MYL1: variants seen among roughly 807,000 people sequenced by gnomAD.
MYL1 encodes myosin light chain 1.
MYL1 carries 16 observed loss-of-function variants against 21.8 expected under a neutral mutation model. That is an observed-to-expected ratio of 0.74 (90% CI 0.50 to 1.12). MYL1 has a LOEUF of 1.12. MYL1 is among the 50% of genes most tolerant of loss of function. MYL1 has a pLI of 0.00. For missense variants in MYL1, 246 were observed against 241.0 expected, an observed-to-expected ratio of 1.02 and a Z score of -0.14; for synonymous variants, 99 against 85.2, an observed-to-expected ratio of 1.16 and a Z score of -0.89.
Position 210,298,455 on chromosome 2 carries a change from TC to T in MYL1, c.268del (p.Glu90ArgfsTer14), listed in dbSNP as rs1334058857. 6.2e-7 allele frequency: 1 copy of T among 1,613,910 alleles called. No individual in the cohort carries two copies. The highest frequency in any genetic ancestry group is 1.3e-5 in the African/African-American group (1 of 74,892). ...RALGTNPTNA[E>X]VRKVLGNPSN... ...GGGGTTTCCCAGAACTTTCCTGACC[TC>T]TGCATTGGTGGGATTTGTGCCCAGA... On this transcript the variant is annotated frameshift_variant, in exon 3 of 7. Transcript: ENST00000352451. LOFTEE classifies it high-confidence loss of function.
intron 3 of MYL1, among the ~76,000 whole-genome samples, chr2:210,297,436 A>G (rs1339847574): frequency 1.3e-5 from 2 of 151,224 alleles, no homozygotes; most frequent in Admixed American, 6.6e-5. Context: ...ATTTTAAAAT[A>G]CATCTGTTGG....
Position 210,303,833 on chromosome 2 carries a change from A to G in MYL1, c.133-1318T>C, listed in dbSNP as rs73984382. Reference sequence around the variant, plus strand: ...GAGATGGAAGCCTGCCGGTACTTTTATGGTCTTTATTTCCAAGATGTTCTC... The same window carrying G: ...GAGATGGAAGCCTGCCGGTACTTTTGTGGTCTTTATTTCCAAGATGTTCTC... On this transcript the variant is annotated intron_variant, in intron 1 of 6. Coordinates refer to ENST00000352451, the MANE Select transcript of MYL1 (RefSeq NM_079420.3). 3.0e-3 allele frequency among the ~76,000 whole-genome samples: 456 copies of G among 152,190 alleles called. 2 individuals are homozygous for G. Among genetic ancestry groups the G allele is most frequent in the African/African-American group, 0.011 (439 of 41,536 alleles).
At position 210,294,438 on chromosome 2, in the gene MYL1, T is replaced by G; in HGVS notation, c.305-20A>C. 1 of 1,609,034 alleles carries G rather than the reference T, an allele frequency of 6.2e-7. No individual in the cohort carries two copies. The highest frequency in any genetic ancestry group is 1.1e-5 in the South Asian group (1 of 90,386). ...TCAGCTCTGTAAGAAATTGCAATTTTGAGGGTTATTAGCTACCATAATACT... is the reference window on the plus strand; with the variant it reads ...TCAGCTCTGTAAGAAATTGCAATTTGGAGGGTTATTAGCTACCATAATACT... On this transcript the variant is annotated intron_variant, in intron 3 of 6. Coordinates refer to ENST00000352451, the MANE Select transcript of MYL1 (RefSeq NM_079420.3).
chr2:210,298,434 T>A lies in MYL1; in HGVS notation c.290A>T (p.Asn97Ile), dbSNP rs761956126. The A allele has an allele frequency of 4.3e-5, 70 of 1,613,646 alleles. No homozygotes were observed. The Admixed American group carries it at 9.3e-4, about 22-fold the overall frequency. ...TNAEVRKVLGNPSNEELNAKK... is the reference protein window; with the variant it reads ...TNAEVRKVLGIPSNEELNAKK... The stretch of plus-strand genomic sequence containing the variant: ...TGATGGGTTACCTTCATTGCTGGGG[T>A]TTCCCAGAACTTTCCTGACCTCTGC... Residue 97 changes from asparagine to isoleucine, a missense_variant, in exon 3 of 7, where the codon AAC becomes ATC. Asn to Ile is a moderately radical substitution (Grantham distance 149). Coordinates refer to ENST00000352451, the MANE Select transcript of MYL1 (RefSeq NM_079420.3).
intron 1 of MYL1, among the ~76,000 whole-genome samples, chr2:210,304,565 CAG>C (rs1224455670): frequency 6.6e-6 from 1 of 152,186 alleles, no homozygotes; most frequent in African/African-American, 2.4e-5. Context: ...ATTTTTGAGA[CAG>C]AGTCTTGCTC....
chr2:210,309,766 C>T (rs1690391518), intron 1 of MYL1, among the ~76,000 whole-genome samples: 1 of 151,926 alleles, frequency 6.6e-6, no homozygotes, highest in Non-Finnish European at 1.5e-5. Context: ...AACAACTTGC[C>T]AGGGGTTCAT....
intron 2 of MYL1, among the ~76,000 whole-genome samples, chr2:210,300,175 G>A (rs4672568): frequency 0.4 from 60,702 of 151,912 alleles, 12,253 homozygotes; most frequent in Admixed American, 0.5. Context: ...AGACTGCTCA[G>A]CAGGCTCACT....
chr2:210,301,317 A>C (rs1225836089), intron 2 of MYL1, among the ~76,000 whole-genome samples: 1 of 152,104 alleles, frequency 6.6e-6, no homozygotes, highest in Admixed American at 6.5e-5. Context: ...ATCTGTCTAC[A>C]TGAGGCCATC....
intron 5 of MYL1, 103 bp downstream of exon 5, chr2:210,293,620 T>A: frequency 1.2e-6 from 1 of 845,638 alleles, no homozygotes; most frequent in Non-Finnish European, 2.0e-6. Context: ...GATTGTCATA[T>A]GTATGTCAAT....
At chr2:210,299,142 C>T (rs1212500851) in intron 2 of MYL1, among the ~76,000 whole-genome samples, 1 of 152,102 alleles carries the variant, frequency 6.6e-6, no homozygotes, top group African/African-American at 2.4e-5. Flanking sequence ...TAATGTGTGA[C>T]TCTATTAGGC....
At position 210,303,555 on chromosome 2, in the gene MYL1, C is replaced by T. The variant is rs776140670; in HGVS notation, c.133-1040G>A. 5.6e-6 allele frequency: 9 copies of T among 1,610,996 alleles called. No homozygotes were observed. In the East Asian group the frequency reaches 1.8e-4, roughly 32 times the overall value. ...CATAGGACCCACCATGATGGAGCGG[C>T]TGGGCTGCAACACAGCAGGGAAGCT... On this transcript the variant is annotated intron_variant, in intron 1 of 6. Transcript: ENST00000352451.
chr2:210,302,221 C>G (rs1158723962), intron 2 of MYL1, among the ~76,000 whole-genome samples: 1 of 151,918 alleles, frequency 6.6e-6, no homozygotes, highest in Non-Finnish European at 1.5e-5. Flanking sequence ...TCTATTGTAT[C>G]AAATTGGTTT....
At chr2:210,309,945 A>T (rs1418910870) in intron 1 of MYL1, among the ~76,000 whole-genome samples, 1 of 152,050 alleles carries the variant, frequency 6.6e-6, no homozygotes, top group Admixed American at 6.6e-5. Context: ...ATCAAAATAT[A>T]ATTCTAGAGA....
At chr2:210,311,696 T>C (rs1204018728) in intron 1 of MYL1, among the ~76,000 whole-genome samples, 1 of 152,076 alleles carries the variant, frequency 6.6e-6, no homozygotes, top group Admixed American at 6.6e-5. Context: ...TTATTTTGCT[T>C]GGTTGCAGTT....
chr2:210,303,928 C>A (rs1199895160), intron 1 of MYL1, among the ~76,000 whole-genome samples: 1 of 152,094 alleles, frequency 6.6e-6, no homozygotes, highest in East Asian at 1.9e-4. Context: ...TCTTTAAGGT[C>A]TTGGGCCAGA....
Position 210,294,286 on chromosome 2 carries a change from G to T in MYL1, c.437C>A (p.Thr146Lys), listed in dbSNP as rs532473895. Residue 146 changes from threonine (T) to lysine (K), a missense_variant, in exon 4 of 7, where the codon ACA becomes AAA. By Grantham distance (78) the Thr-to-Lys change is moderately conservative (BLOSUM62 -1). Transcript: ENST00000352451. Reference sequence around the variant, plus strand: ...ATGGCGGAGTTCAGCACCCATGACTGTGCCATTGCCTTCCTTGTCAAAGAC... The same window carrying T: ...ATGGCGGAGTTCAGCACCCATGACTTTGCCATTGCCTTCCTTGTCAAAGAC... ...LRVFDKEGNG[T>K]VMGAELRHVL... 167 of 1,613,812 alleles carry T rather than the reference G, an allele frequency of 1.0e-4. 1 individual carries two copies. The highest frequency in any genetic ancestry group is 1.4e-4 in the Non-Finnish European group (161 of 1,179,928).
At position 210,290,264 on chromosome 2, in the gene MYL1, C is replaced by T. The variant is rs1301973895; in HGVS notation, c.*218G>A. The T allele has an allele frequency of 2.0e-5, 3 of 152,180 alleles. No individual in the cohort carries two copies. The highest frequency in any genetic ancestry group is 4.8e-5 in the African/African-American group (2 of 41,552). The allele number at this position is 152,180 out of a possible 1,614,324, so 9.4% of individuals were successfully genotyped here. ...GAGATTGTCAATATTTTATTCTTCT[C>T]ATCTAGAGCAGCAGACACTTTGTTT... On this transcript the variant is annotated 3_prime_UTR_variant, in exon 7 of 7. Coordinates refer to ENST00000352451, the MANE Select transcript of MYL1 (RefSeq NM_079420.3).
chr2:210,314,206 G>T (rs1690456583), intron 1 of MYL1, among the ~76,000 whole-genome samples: 10 of 152,078 alleles, frequency 6.6e-5, no homozygotes, highest in Admixed American at 6.6e-4. Context: ...TAAGCTAAAA[G>T]CCATGTAAAT....
At chr2:210,292,309 G>T (rs1690089867) in intron 5 of MYL1, among the ~76,000 whole-genome samples, 1 of 152,078 alleles carries the variant, frequency 6.6e-6, no homozygotes, top group African/African-American at 2.4e-5. Flanking sequence ...CTGACTTCAA[G>T]TGATCTACCT....
Sources: allele counts gnomAD v4.1 joint callset (sites outside exome capture counted in the v4.1 genomes callset), GRCh38; gene constraint gnomAD v4.1.1; transcripts MANE v1.5; gene names NCBI Gene and HGNC (gene_info 2026-07-23, HGNC 2026-07-21).